Variants in CTNNA2 observed in about 807,000 individuals in gnomAD.
CTNNA2 encodes catenin alpha-2.
In CTNNA2, 42 loss-of-function variants were observed where a neutral mutation model predicts 101.0. The ratio of observed to expected loss-of-function variants is 0.42; its 90% CI spans 0.32 to 0.54. CTNNA2 has a LOEUF of 0.54. CTNNA2 is among the 20% of genes least tolerant of loss of function. The probability of loss-of-function intolerance (pLI) is 0.14; values close to 1 mark genes in which losing one functional copy is unlikely to be tolerated. For synonymous variants in CTNNA2, 450 were observed against 456.4 expected, an observed-to-expected ratio of 0.99 and a Z score of 0.18; for missense variants, 871 against 1,223.1, an observed-to-expected ratio of 0.71 and a Z score of 4.29.
intron 12 of CTNNA2, among the ~76,000 whole-genome samples, chr2:80,573,727 TG>T (rs1694801039): frequency 6.6e-6 from 1 of 152,214 alleles, no homozygotes; most frequent in Non-Finnish European, 1.5e-5. Context: ...AAAACTTTTT[TG>T]CATTTTCCCA....
intron 9 of CTNNA2, among the ~76,000 whole-genome samples, chr2:80,516,069 G>A (rs1434075): frequency 0.44 from 66,858 of 151,988 alleles, 15,362 homozygotes; most frequent in African/African-American, 0.53. Context: ...ACGGACAACA[G>A]TGGGATTCAT....
At chr2:80,071,296 TAAC>T (rs1698325279) in intron 7 of CTNNA2, among the ~76,000 whole-genome samples, 2 of 152,262 alleles carry the variant, frequency 1.3e-5, no homozygotes, top group African/African-American at 4.8e-5. Flanking sequence ...GGAGAGATAG[TAAC>T]AAAGTTTTGC....
intron 12 of CTNNA2, among the ~76,000 whole-genome samples, chr2:80,568,534 T>G (rs1178459484): frequency 6.6e-6 from 1 of 151,366 alleles, no homozygotes; most frequent in Non-Finnish European, 1.5e-5. Flanking sequence ...TGAACTAGCC[T>G]AATACAGTAT....
In CTNNA2 at chr2:80,603,408, T is replaced by C. The variant is rs200686324; in HGVS notation, c.2190-666T>C. ...AAACATTTACTGTCACTCAGTGCTT[T>C]GTACGTTCTTTCATAAATCAGTATC... On this transcript the variant is annotated intron_variant, in intron 15 of 18. Transcript: ENST00000402739. Among the ~76,000 whole-genome samples, 4 of 152,068 alleles carry C rather than the reference T, an allele frequency of 2.6e-5. No homozygotes were observed. In the East Asian group the frequency reaches 7.7e-4, roughly 29 times the overall value.
At chr2:80,466,168 G>A (rs1044697062) in intron 9 of CTNNA2, among the ~76,000 whole-genome samples, 2 of 152,178 alleles carry the variant, frequency 1.3e-5, no homozygotes, top group African/African-American at 4.8e-5. Flanking sequence ...AAAACTCATC[G>A]GCATTCTAGC....
chr2:80,136,641 C>G (rs1022595686), intron 7 of CTNNA2, among the ~76,000 whole-genome samples: 1 of 152,102 alleles, frequency 6.6e-6, no homozygotes, highest in Non-Finnish European at 1.5e-5. Flanking sequence ...ATGTTATTTC[C>G]TGTTCCTTTC....
intron 18 of CTNNA2, among the ~76,000 whole-genome samples, chr2:80,645,485 G>T (rs560740558): frequency 6.6e-6 from 1 of 152,146 alleles, no homozygotes; most frequent in African/African-American, 2.4e-5. Context: ...ACAGTCTTTA[G>T]GTTTCATTAA....
intron 2 of CTNNA2, among the ~76,000 whole-genome samples, chr2:79,220,094 G>A (rs1432127083): frequency 6.6e-6 from 1 of 152,014 alleles, no homozygotes; most frequent in African/African-American, 2.4e-5. Flanking sequence ...TTCTTTGACT[G>A]ATTCAACTCT....
chr2:80,097,474 A>G (rs1176471079), intron 7 of CTNNA2, among the ~76,000 whole-genome samples: 3 of 152,014 alleles, frequency 2.0e-5, no homozygotes, highest in Non-Finnish European at 2.9e-5. Context: ...GAATCTGACA[A>G]TTATGTGTCT....
chr2:79,383,071 CTATTTTAAAAAGTTAGATATCCAATAT>C (rs1394530309), intron 4 of CTNNA2, among the ~76,000 whole-genome samples: 8 of 152,236 alleles, frequency 5.3e-5, no homozygotes, highest in African/African-American at 1.9e-4. Flanking sequence ...ATGAGTTTTT[CTATTTTAAAAAGTTAGATATCCAATAT>C]ATGAAAAAGC....
At chr2:79,746,795 G>C (rs150460803) in intron 3 of CTNNA2, among the ~76,000 whole-genome samples, 1 of 152,110 alleles carries the variant, frequency 6.6e-6, no homozygotes, top group Non-Finnish European at 1.5e-5. Flanking sequence ...TTTTTAATGG[G>C]TTCTTTCCTT....
chr2:80,507,848 T>G (rs1188073166), intron 9 of CTNNA2, among the ~76,000 whole-genome samples: 1 of 152,074 alleles, frequency 6.6e-6, no homozygotes, highest in Non-Finnish European at 1.5e-5. Flanking sequence ...CAAATTTGAG[T>G]CAAATAGATG....
chr2:79,648,057 C>T (rs1474984102), intron 1 of CTNNA2, among the ~76,000 whole-genome samples: 2 of 152,224 alleles, frequency 1.3e-5, no homozygotes, highest in African/African-American at 4.8e-5. Flanking sequence ...AAAATATTCT[C>T]TTCTCATGGA....
intron 9 of CTNNA2, among the ~76,000 whole-genome samples, chr2:80,462,054 A>G (rs1047297757): frequency 2.0e-5 from 3 of 152,212 alleles, no homozygotes; most frequent in Non-Finnish European, 4.4e-5. Flanking sequence ...TACTTTGATT[A>G]TGTACAGTGC....
intron 9 of CTNNA2, among the ~76,000 whole-genome samples, chr2:80,497,147 GTATAT>G (rs934136662): frequency 1.3e-5 from 2 of 152,158 alleles, no homozygotes; most frequent in Non-Finnish European, 2.9e-5. Flanking sequence ...TTAATTTTCA[GTATAT>G]CTTAAACTTA....
intron 15 of CTNNA2, among the ~76,000 whole-genome samples, chr2:80,600,454 C>G (rs2149765289): frequency 6.6e-6 from 1 of 151,742 alleles, no homozygotes; most frequent in Non-Finnish European, 1.5e-5. Flanking sequence ...TGCAGTATAA[C>G]AAAAGATCAG....
intron 9 of CTNNA2, among the ~76,000 whole-genome samples, chr2:80,534,857 C>T (rs1044982354): frequency 2.6e-5 from 4 of 152,030 alleles, no homozygotes; most frequent in Non-Finnish European, 5.9e-5. Context: ...AACTAGATGC[C>T]TAAAGATGTG....
At chr2:80,236,917 T>C (rs1165539091) in intron 7 of CTNNA2, among the ~76,000 whole-genome samples, 1 of 152,148 alleles carries the variant, frequency 6.6e-6, no homozygotes, top group Non-Finnish European at 1.5e-5. Context: ...AGAAGGAAGC[T>C]TTTTCAAACC....
At chr2:80,334,012 A>G (rs1573751104) in intron 7 of CTNNA2, among the ~76,000 whole-genome samples, 1 of 152,142 alleles carries the variant, frequency 6.6e-6, no homozygotes, top group South Asian at 2.1e-4. Context: ...GGCACTCTCC[A>G]GGGTTATGCT....
Sources: allele counts gnomAD v4.1 joint callset (sites outside exome capture counted in the v4.1 genomes callset), GRCh38; gene constraint gnomAD v4.1.1; transcripts MANE v1.5; gene names NCBI Gene and HGNC (gene_info 2026-07-23, HGNC 2026-07-21).